The following IFT74 variants were observed in gnomAD, a reference collection of about 807,000 sequenced individuals.
IFT74 encodes intraflagellar transport 74.
In IFT74, 92 loss-of-function variants were observed where a neutral mutation model predicts 96.7. The observed-to-expected ratio is 0.95, with a 90% CI of 0.80 to 1.13. IFT74 has a LOEUF of 1.13. Among genes scored for constraint, IFT74 ranks in the 50% most tolerant of loss-of-function variants. The pLI is 0.00. For missense variants in IFT74, 811 were observed against 698.2 expected, an observed-to-expected ratio of 1.16 and a Z score of -1.82; for synonymous variants, 223 against 213.2, an observed-to-expected ratio of 1.05 and a Z score of -0.40.
intron 4 of IFT74, among the ~76,000 whole-genome samples, chr9:26,982,709 C>G (rs1402531260): frequency 6.6e-6 from 1 of 152,026 alleles, no homozygotes; most frequent in Non-Finnish European, 1.5e-5. Flanking sequence ...CCCACCTTGG[C>G]CTCTTAGAGT....
At chr9:26,958,388 C>A (rs1278508380) in intron 1 of IFT74, among the ~76,000 whole-genome samples, 2 of 152,098 alleles carry the variant, frequency 1.3e-5, no homozygotes, top group African/African-American at 2.4e-5. Flanking sequence ...AAGTAATAGG[C>A]AAAATGTGTG....
At chr9:27,008,293 G>A (rs1004593443) in intron 8 of IFT74, among the ~76,000 whole-genome samples, 1 of 152,022 alleles carries the variant, frequency 6.6e-6, no homozygotes, top group Non-Finnish European at 1.5e-5. Flanking sequence ...CTTCTATACA[G>A]TATTTAATTT....
chr9:27,009,205 C>CT, intron 9 of IFT74, 47 bp downstream of exon 9: 1 of 1,543,098 alleles, frequency 6.5e-7, no homozygotes, highest in Non-Finnish European at 8.8e-7. Context: ...ATTCTTGCTA[C>CT]TAAAAGTATA....
chr9:27,031,055 G>A (rs1830097300), intron 13 of IFT74, among the ~76,000 whole-genome samples: 1 of 152,136 alleles, frequency 6.6e-6, no homozygotes, highest in Non-Finnish European at 1.5e-5. Flanking sequence ...CTATTTACAG[G>A]CATGATCATA....
intron 13 of IFT74, among the ~76,000 whole-genome samples, chr9:27,039,672 C>T (rs892750778): frequency 1.3e-5 from 2 of 152,116 alleles, no homozygotes; most frequent in African/African-American, 4.8e-5. Flanking sequence ...AGTGTAACAA[C>T]CATTTACAAT....
intron 8 of IFT74, chr9:26,999,554 TA>T: frequency 7.9e-7 from 1 of 1,269,448 alleles, no homozygotes; most frequent in Non-Finnish European, 1.1e-6. Context: ...TATATTTTAC[TA>T]AATATACAGA....
upstream of IFT74, among the ~76,000 whole-genome samples, chr9:26,954,801 TA>T (rs1464751479): frequency 6.6e-6 from 1 of 151,980 alleles, no homozygotes; most frequent in Non-Finnish European, 1.5e-5. Flanking sequence ...TGACATAACC[TA>T]ATTACTAACC....
intron 2 of IFT74, among the ~76,000 whole-genome samples, chr9:26,977,841 C>A (rs1195900977): frequency 6.6e-6 from 1 of 152,136 alleles, no homozygotes; most frequent in Non-Finnish European, 1.5e-5. Flanking sequence ...CTGCTGTGGA[C>A]ATTTAACTCC....
intron 10 of IFT74, among the ~76,000 whole-genome samples, chr9:27,012,724 T>G (rs1268770898): frequency 7.1e-5 from 10 of 140,222 alleles, no homozygotes; most frequent in Admixed American, 2.8e-4. Flanking sequence ...TTTTTTTTTT[T>G]TTTTTTTTTT....
chr9:26,996,084 C>G (rs966669535), intron 8 of IFT74, among the ~76,000 whole-genome samples: 1 of 152,092 alleles, frequency 6.6e-6, no homozygotes, highest in African/African-American at 2.4e-5. Context: ...AGATTTGTGA[C>G]TAGACTAGTT....
At chr9:26,958,878 C>T (rs989943792) in intron 1 of IFT74, among the ~76,000 whole-genome samples, 1 of 151,994 alleles carries the variant, frequency 6.6e-6, no homozygotes, top group Non-Finnish European at 1.5e-5. Flanking sequence ...TTAGAAAATG[C>T]TCTATATAAG....
At chr9:27,016,821 A>T in intron 10 of IFT74, 86 bp from the exon 11 acceptor site, 2 of 979,780 alleles carry the variant, frequency 2.0e-6, no homozygotes, top group Non-Finnish European at 2.9e-6. Context: ...GTTTAAATTT[A>T]CCCCCATTCT....
chr9:26,980,686 G>A, intron 4 of IFT74, 67 bp downstream of exon 4: 2 of 1,019,904 alleles, frequency 2.0e-6, no homozygotes, highest in Non-Finnish European at 3.0e-6. Flanking sequence ...TGTCAAAATA[G>A]AGTATATAAC....
chr9:26,982,321 T>C (rs1273971225), intron 4 of IFT74: 1 of 431,516 alleles, frequency 2.3e-6, no homozygotes. Context: ...TGGAGTGCAA[T>C]GATGGGATCT....
At chr9:26,999,914 GCATGCACTAC>G (rs958521776) in intron 8 of IFT74, among the ~76,000 whole-genome samples, 1 of 151,308 alleles carries the variant, frequency 6.6e-6, no homozygotes, top group African/African-American at 2.4e-5. Flanking sequence ...TGAAACACAA[GCATGCACTAC>G]CATGCCTGGC....
At chr9:26,983,087 C>T (rs1468815751) in intron 4 of IFT74, among the ~76,000 whole-genome samples, 1 of 152,126 alleles carries the variant, frequency 6.6e-6, no homozygotes, top group African/African-American at 2.4e-5. Flanking sequence ...TCCCATCATG[C>T]CCTGAAAGCC....
chr9:26,982,656 T>C (rs1189658603), intron 4 of IFT74, among the ~76,000 whole-genome samples: 1 of 152,034 alleles, frequency 6.6e-6, no homozygotes, highest in Non-Finnish European at 1.5e-5. Context: ...GGTTTCTCAA[T>C]GTTGGTCAGG....
intron 12 of IFT74, among the ~76,000 whole-genome samples, chr9:27,023,057 G>T (rs928585990): frequency 2.0e-5 from 3 of 152,148 alleles, no homozygotes; most frequent in Non-Finnish European, 4.4e-5. Context: ...GGAGTTTTCT[G>T]GTTGAGTCTT....
chr9:27,057,315 G>GT, intron 18 of IFT74, among the ~76,000 whole-genome samples: 1 of 152,072 alleles, frequency 6.6e-6, no homozygotes, highest in Non-Finnish European at 1.5e-5. Flanking sequence ...TGAACAGTGT[G>GT]TGAGGTCTAG....
Sources: gnomAD v4.1 joint callset for allele counts (sites outside exome capture counted in the v4.1 genomes callset) on GRCh38, gnomAD v4.1.1 for gene constraint, MANE v1.5 for transcripts, NCBI Gene and HGNC (gene_info 2026-07-23, HGNC 2026-07-21) for gene names.